FSD1L: variants seen among roughly 807,000 people sequenced by gnomAD.
FSD1L encodes FSD1-like protein.
FSD1L carries 45 observed loss-of-function variants against 71.6 expected under a neutral mutation model. That is an observed-to-expected ratio of 0.63 (90% CI 0.49 to 0.81). FSD1L has a LOEUF of 0.81. FSD1L is among the 30% of genes least tolerant of loss of function. FSD1L has a pLI of 0.00. For missense variants in FSD1L, 561 were observed against 618.1 expected, an observed-to-expected ratio of 0.91 and a Z score of 0.98; for synonymous variants, 197 against 207.2, an observed-to-expected ratio of 0.95 and a Z score of 0.42.
upstream of FSD1L, among the ~76,000 whole-genome samples, chr9:105,443,539 ACT>A (rs1248982096): frequency 6.6e-6 from 1 of 151,818 alleles, no homozygotes; most frequent in Non-Finnish European, 1.5e-5. Flanking sequence ...TCCTGGGCAG[ACT>A]CTGTCTATAA....
At chr9:105,520,041 A>G (rs1412264580) in intron 10 of FSD1L, 5 of 1,497,310 alleles carry the variant, frequency 3.3e-6, no homozygotes, top group Non-Finnish European at 2.7e-6. Flanking sequence ...CTCTCTGGCT[A>G]GTCTCCTCCC....
At chr9:105,535,961 A>G (rs1836239253) in intron 12 of FSD1L, among the ~76,000 whole-genome samples, 1 of 152,212 alleles carries the variant, frequency 6.6e-6, no homozygotes, top group African/African-American at 2.4e-5. Flanking sequence ...AGAATGACTC[A>G]TGATATCTTT....
chr9:105,462,841 A>G (rs1027020240), intron 2 of FSD1L, among the ~76,000 whole-genome samples: 1 of 146,440 alleles, frequency 6.8e-6, no homozygotes, highest in African/African-American at 2.5e-5. Flanking sequence ...TTATATGAAC[A>G]TTTGTATAAA....
At chr9:105,466,528 A>T (rs549494407) in intron 3 of FSD1L, among the ~76,000 whole-genome samples, 1 of 152,228 alleles carries the variant, frequency 6.6e-6, no homozygotes, top group South Asian at 2.1e-4. Context: ...CCCCATCTCT[A>T]CTAAAAATAC....
chr9:105,528,908 C>G (rs185043551), intron 10 of FSD1L, among the ~76,000 whole-genome samples: 2 of 152,272 alleles, frequency 1.3e-5, no homozygotes, highest in Non-Finnish European at 2.9e-5. Context: ...TATCCAGAAT[C>G]TACAAAGAAC....
chr9:105,445,667 G>C (rs1829626101), upstream of FSD1L, among the ~76,000 whole-genome samples: 1 of 152,168 alleles, frequency 6.6e-6, no homozygotes, highest in Non-Finnish European at 1.5e-5. Flanking sequence ...CTGGTGAGTA[G>C]ACTTTAGATG....
intron 9 of FSD1L, among the ~76,000 whole-genome samples, chr9:105,511,475 T>TA (rs1233704108): frequency 6.6e-6 from 1 of 152,182 alleles, no homozygotes; most frequent in Non-Finnish European, 1.5e-5. Context: ...TACTTAATCC[T>TA]AACCTTTTGG....
At position 105,546,427 on chromosome 9, in the gene FSD1L, A is replaced by C. The variant is rs1341578792; in HGVS notation, c.1537A>C (p.Ser513Arg). 1 of 1,550,378 alleles carries C rather than the reference A, an allele frequency of 6.5e-7. No individual in the cohort carries two copies. ...AAGTGCTGTGAGAACACTTCAGAAA[A>C]GTGAAAATGGAATGACTGGTTCAGC... ...VPSAVRTLQKSENGMTGSASS... is the reference protein window; with the variant it reads ...VPSAVRTLQKRENGMTGSASS... The change falls in exon 14 of 14, where the codon AGT becomes CGT. Residue 513 changes from serine (S) to arginine (R), a missense_variant. This residue lies in a region of FSD1L where 98 missense variants were observed against 102.3 expected (regional missense o/e 0.96). Transcript: ENST00000481272.
chr9:105,465,078 G>A (rs1830969593), intron 3 of FSD1L, among the ~76,000 whole-genome samples: 1 of 152,032 alleles, frequency 6.6e-6, no homozygotes, highest in Non-Finnish European at 1.5e-5. Context: ...GAAGGGAGAG[G>A]AATACTTAAG....
intron 12 of FSD1L, 28 bp downstream of exon 12, chr9:105,535,346 C>T: frequency 6.5e-7 from 1 of 1,548,940 alleles, no homozygotes; most frequent in Non-Finnish European, 8.7e-7. Flanking sequence ...TAGGTTATTT[C>T]ATCATAGTTG....
upstream of FSD1L, among the ~76,000 whole-genome samples, chr9:105,443,720 C>T (rs547766008): frequency 3.9e-5 from 6 of 152,168 alleles, no homozygotes; most frequent in East Asian, 1.9e-4. Flanking sequence ...CTGCTTGAGG[C>T]CAGGAGTTCA....
chr9:105,544,454 T>A (rs1211308704), intron 13 of FSD1L, among the ~76,000 whole-genome samples: 1 of 152,150 alleles, frequency 6.6e-6, no homozygotes, highest in Non-Finnish European at 1.5e-5. Context: ...GTCAATTTTG[T>A]CTTTTGTTGC....
At chr9:105,469,587 CAGGTTCT>C (rs1420371258) in intron 4 of FSD1L, among the ~76,000 whole-genome samples, 1 of 151,822 alleles carries the variant, frequency 6.6e-6, no homozygotes, top group Non-Finnish European at 1.5e-5. Context: ...AGTGTCTATT[CAGGTTCT>C]TTGGCCATCT....
chr9:105,524,223 T>C (rs1048527616), intron 10 of FSD1L: 1 of 1,612,176 alleles, frequency 6.2e-7, no homozygotes, highest in Non-Finnish European at 8.5e-7. Context: ...GATTTGTGTT[T>C]CCTTAAAGTT....
Position 105,546,737 on chromosome 9 carries a change from AC to A in FSD1L, c.*255del, listed in dbSNP as rs1272392541. ...TGGGGGAAAAGGCAGTGTTTAATTA[AC>A]ATAAAAACTCATTTTTGTATTTCTT... On this transcript the variant is annotated 3_prime_UTR_variant, in exon 14 of 14. Coordinates refer to ENST00000481272, the MANE Select transcript of FSD1L (RefSeq NM_001145313.3). 1 of 257,120 alleles carries A rather than the reference AC, an allele frequency of 3.9e-6. No homozygotes were observed. The highest frequency in any genetic ancestry group is 7.3e-6 in the Non-Finnish European group (1 of 136,842). The allele number at this position is 257,120 out of a possible 1,614,324, so 15.9% of individuals were successfully genotyped here.
chr9:105,473,873 A>G (rs1265428388), intron 5 of FSD1L, among the ~76,000 whole-genome samples: 1 of 151,886 alleles, frequency 6.6e-6, no homozygotes, highest in Non-Finnish European at 1.5e-5. Flanking sequence ...TTCTGTTATA[A>G]TTTGTTCCTG....
At chr9:105,524,408 G>C in intron 10 of FSD1L, 1 of 1,613,740 alleles carries the variant, frequency 6.2e-7, no homozygotes, top group Admixed American at 1.7e-5. Flanking sequence ...AAATGGACAA[G>C]AGGTTGGTAG....
intron 2 of FSD1L, 99 bp downstream of exon 2, chr9:105,461,714 C>A: frequency 1.4e-6 from 1 of 700,626 alleles, no homozygotes; most frequent in Non-Finnish European, 2.4e-6. Context: ...AAAACAGGAA[C>A]ATTAAAAAGG....
chr9:105,509,282 T>C (rs1427953666), intron 9 of FSD1L, among the ~76,000 whole-genome samples: 1 of 152,176 alleles, frequency 6.6e-6, no homozygotes, highest in African/African-American at 2.4e-5. Flanking sequence ...TCCCTAGACC[T>C]AGTTTGGAAA....
Sources: gnomAD v4.1 joint callset for allele counts (sites outside exome capture counted in the v4.1 genomes callset) on GRCh38, gnomAD v4.1.1 for gene constraint, gnomAD v4.1.1 regional missense constraint, MANE v1.5 for transcripts, NCBI Gene and HGNC (gene_info 2026-07-23, HGNC 2026-07-21) for gene names.